GK: variants seen among roughly 807,000 people sequenced by gnomAD.
The protein encoded by GK is glycerol kinase, also known as ATP:glycerol 3-phosphotransferase.
GK carries 9 observed loss-of-function variants against 56.4 expected under a neutral mutation model. The ratio of observed to expected loss-of-function variants is 0.16; its 90% CI spans 0.10 to 0.28. The LOEUF (loss-of-function observed/expected upper bound fraction) is 0.28. Among genes scored for constraint, GK ranks in the 10% least tolerant of loss-of-function variants. GK has a pLI of 1.00. For synonymous variants in GK, 104 were observed against 144.1 expected, an observed-to-expected ratio of 0.72 and a Z score of 1.99; for missense variants, 161 against 431.4, an observed-to-expected ratio of 0.37 and a Z score of 5.55.
chrX:30,706,299 T>G (rs780536584), intron 11 of GK, among the ~76,000 whole-genome samples: 1 of 112,310 alleles, frequency 8.9e-6, no homozygotes, highest in African/African-American at 3.2e-5. Context: ...GGTTTTGTGT[T>G]TGTTGCACAA....
rs1489405658 is a variant in GK, at chrX:30,653,461, G to T, written c.-77G>T. On this transcript the variant is annotated 5_prime_UTR_variant, in exon 1 of 21. Coordinates refer to ENST00000427190, the MANE Select transcript of GK (RefSeq NM_001205019.2). ...GCGCGCGGCCTCGATCTCTGGACTC[G>T]TCACCTGCCCCTCCCCCTCCCGCCG... The T allele has an allele frequency of 4.3e-6, 4 of 922,686 alleles. No individual in the cohort carries two copies. Among genetic ancestry groups the T allele is most frequent in the Non-Finnish European group, 3.2e-6 (2 of 632,965 alleles). 76.0% of individuals were successfully genotyped at this position (922,686 alleles called of 1,213,427 possible). A position where few individuals can be genotyped will look rare whatever the true frequency, so the allele number is the denominator to read the frequency against.
intron 2 of GK, 38 bp from the exon 3 acceptor site, chrX:30,667,974 T>G: frequency 1.4e-6 from 1 of 738,230 alleles, no homozygotes; most frequent in African/African-American, 2.0e-5. Flanking sequence ...ATATTTGTGT[T>G]GCTTTCTTAC....
intron 1 of GK, among the ~76,000 whole-genome samples, chrX:30,658,507 G>A (rs12851094): frequency 0.18 from 20,374 of 111,174 alleles, 1,493 homozygotes; most frequent in Admixed American, 0.26. Flanking sequence ...TAGTAGAGAC[G>A]GGGTTTCACC....
At chrX:30,658,832 T>C (rs1379813555) in intron 1 of GK, among the ~76,000 whole-genome samples, 1 of 112,187 alleles carries the variant, frequency 8.9e-6, no homozygotes, top group Admixed American at 9.5e-5. Context: ...TGACACAGCA[T>C]CTGGCATGTG....
chrX:30,676,042 C>T (rs1933875381), intron 3 of GK, among the ~76,000 whole-genome samples: 1 of 112,149 alleles, frequency 8.9e-6, no homozygotes, highest in African/African-American at 3.2e-5. Flanking sequence ...CCACCTGCCT[C>T]GGCCTCCCGG....
chrX:30,677,509 G>T (rs1933985461), intron 4 of GK, 57 bp downstream of exon 4: 2 of 687,264 alleles, frequency 2.9e-6, no homozygotes, highest in African/African-American at 4.3e-5. Flanking sequence ...TGCAAATGTG[G>T]TCATATTAAA....
In GK at chrX:30,731,262, G is replaced by C. The variant is rs1163737834; in HGVS notation, c.*2520G>C. 8.9e-6 allele frequency: 1 copy of C among 112,075 alleles called. No homozygotes were observed. The highest frequency in any genetic ancestry group is 3.2e-5 in the African/African-American group (1 of 30,862). The allele number at this position is 112,075 out of a possible 1,213,427, so 9.2% of individuals were successfully genotyped here. Reference sequence around the variant, plus strand: ...AGCTGTGATAGCACAGAAGCTAATGGCATTGACAGTGGAGTAGGTAGTATT... The same window carrying C: ...AGCTGTGATAGCACAGAAGCTAATGCCATTGACAGTGGAGTAGGTAGTATT... On this transcript the variant is annotated 3_prime_UTR_variant, in exon 21 of 21. Transcript: ENST00000427190.
At chrX:30,713,533 A>G (rs1418261260) in intron 13 of GK, among the ~76,000 whole-genome samples, 1 of 111,362 alleles carries the variant, frequency 9.0e-6, no homozygotes, top group African/African-American at 3.3e-5. Flanking sequence ...CACCAAGAGA[A>G]CTCTTTTTCT....
intron 19 of GK, among the ~76,000 whole-genome samples, chrX:30,724,884 C>CTTT (rs1316640340): frequency 9.7e-6 from 1 of 102,997 alleles, no homozygotes; most frequent in Non-Finnish European, 2.0e-5. Context: ...GAAGCATATA[C>CTTT]TTTTTTTTTT....
At chrX:30,666,736 G>A (rs1933103733) in intron 2 of GK, among the ~76,000 whole-genome samples, 1 of 112,263 alleles carries the variant, frequency 8.9e-6, no homozygotes, top group African/African-American at 3.2e-5. Flanking sequence ...AAAAGTTATT[G>A]ATATGTTAGA....
intron 13 of GK, among the ~76,000 whole-genome samples, chrX:30,715,624 T>G (rs1435051973): frequency 8.9e-6 from 1 of 112,015 alleles, no homozygotes; most frequent in Non-Finnish European, 1.9e-5. Context: ...TTTTATCATT[T>G]TAGGTTTTGG....
intron 3 of GK, among the ~76,000 whole-genome samples, chrX:30,674,922 T>C (rs1035864957): frequency 9.0e-6 from 1 of 111,110 alleles, no homozygotes; most frequent in Admixed American, 9.6e-5. Flanking sequence ...ATTCCTAGAG[T>C]ATTGTGTTTT....
chrX:30,720,446 G>C (rs1936842510), intron 16 of GK, among the ~76,000 whole-genome samples, 175 bp from the exon 17 acceptor site: 1 of 111,760 alleles, frequency 8.9e-6, no homozygotes, highest in Non-Finnish European at 1.9e-5. Flanking sequence ...GGTGTAGTGA[G>C]AGAAAAGGTT....
chrX:30,699,368 C>CTTT (rs34129824), intron 9 of GK, among the ~76,000 whole-genome samples: 4 of 79,886 alleles, frequency 5.0e-5, no homozygotes, highest in Admixed American at 1.5e-4. Flanking sequence ...TACACACACA[C>CTTT]TTTTTTTTTT....
intron 1 of GK, among the ~76,000 whole-genome samples, chrX:30,658,250 G>A (rs992607418): frequency 1.9e-4 from 21 of 111,925 alleles, no homozygotes; most frequent in African/African-American, 4.5e-4. Flanking sequence ...AATAAATTTT[G>A]GTAAAACTGA....
intron 4 of GK, among the ~76,000 whole-genome samples, chrX:30,686,990 C>T (rs1762283131): frequency 9.0e-6 from 1 of 111,184 alleles, no homozygotes; most frequent in African/African-American, 3.3e-5. Context: ...TCCCTCTAGA[C>T]ACGTTGCTCC....
At chrX:30,668,752 G>T (rs1933257637) in intron 3 of GK, among the ~76,000 whole-genome samples, 1 of 111,746 alleles carries the variant, frequency 8.9e-6, no homozygotes, top group African/African-American at 3.3e-5. Context: ...AAGGCGGCAA[G>T]GGATGACTTG....
At chrX:30,671,828 G>A (rs1443537395) in intron 3 of GK, 1 of 111,561 alleles carries the variant, frequency 9.0e-6, no homozygotes, top group African/African-American at 3.3e-5. Flanking sequence ...AGTATAAAGA[G>A]TTACAGTAGC....
intron 15 of GK, 121 bp from the exon 16 acceptor site, chrX:30,719,890 A>G: frequency 3.8e-6 from 2 of 526,828 alleles, no homozygotes; most frequent in Admixed American, 2.7e-5. Context: ...CTTAATGATT[A>G]TGTCCAATTT....
Sources: allele counts gnomAD v4.1 joint callset (sites outside exome capture counted in the v4.1 genomes callset), GRCh38; gene constraint gnomAD v4.1.1; transcripts MANE v1.5; gene names NCBI Gene and HGNC (gene_info 2026-07-23, HGNC 2026-07-21).